ARHGEF16: variants seen among roughly 807,000 people sequenced by gnomAD.
ARHGEF16 encodes the protein Rho guanine nucleotide exchange factor 16.
ARHGEF16 carries 59 observed loss-of-function variants against 74.1 expected under a neutral mutation model. The observed-to-expected ratio is 0.80, with a 90% confidence interval of 0.65 to 0.99. ARHGEF16 has a LOEUF of 0.99. ARHGEF16 is among the 50% of genes least tolerant of loss of function. The pLI is 0.00. For synonymous variants in ARHGEF16, 415 were observed against 412.6 expected (o/e 1.01, Z -0.07); for missense variants, 948 against 986.6 (o/e 0.96, Z 0.52).
intron 6 of ARHGEF16, among the ~76,000 whole-genome samples, chr1:3,470,602 T>C (rs1023320328): frequency 2.8e-5 from 4 of 142,126 alleles, no homozygotes; most frequent in African/African-American, 1.1e-4. Context: ...TTCGGTCAGG[T>C]GTGTGTGAGT....
In ARHGEF16 at chr1:3,463,681, C is replaced by T. The variant is rs1439780703; in HGVS notation, c.588+9C>T. On this transcript the variant is annotated intron_variant, in intron 2 of 14. Transcript: ENST00000378378. ...GCCCGGCCAAAAACAAGGTAGGGGC[C>T]TGCTCGTGTGGACCGTGGGGAGGGG... 1.4e-6 allele frequency: 2 copies of T among 1,407,968 alleles called. No homozygotes were observed. Among genetic ancestry groups the T allele is most frequent in the African/African-American group, 1.4e-5 (1 of 69,440 alleles). 87.2% of individuals were successfully genotyped at this position (1,407,968 alleles called of 1,614,324 possible).
intron 1 of ARHGEF16, among the ~76,000 whole-genome samples, chr1:3,462,022 C>T (rs1289599802): frequency 6.6e-6 from 1 of 150,858 alleles, no homozygotes; most frequent in Non-Finnish European, 1.5e-5. Flanking sequence ...GTGCCAGCCC[C>T]GGACCATGAA....
chr1:3,478,358 G>A (rs1639952821), intron 11 of ARHGEF16, 66 bp from the exon 12 acceptor site: 10 of 1,501,518 alleles, frequency 6.7e-6, no homozygotes, highest in Middle Eastern at 1.8e-4. Flanking sequence ...GGACCTGGAC[G>A]GGAGCCCAGC....
Position 3,478,042 on chromosome 1 carries a change from G to A in ARHGEF16, c.1625+16G>A, listed in dbSNP as rs151102190. ...AGAAGAAGAGGTGGCCTTAGGGCAG[G>A]AGGGTGTGGGGAGCCCCACTCCATG... On this transcript the variant is annotated intron_variant, in intron 11 of 14. Transcript: ENST00000378378. The A allele has an allele frequency of 1.0e-4, 165 of 1,612,640 alleles. No homozygotes were observed. The African/African-American group carries it at 1.2e-3, about 12-fold the overall frequency.
At chr1:3,476,884 C>T (rs933833940) in intron 10 of ARHGEF16, among the ~76,000 whole-genome samples, 1 of 152,086 alleles carries the variant, frequency 6.6e-6, no homozygotes, top group Non-Finnish European at 1.5e-5. Flanking sequence ...AGGGCGGTGA[C>T]TTCGCGCCGC....
chr1:3,477,497 C>T (rs1357873933), intron 10 of ARHGEF16, among the ~76,000 whole-genome samples: 2 of 149,848 alleles, frequency 1.3e-5, no homozygotes, highest in East Asian at 4.1e-4. Flanking sequence ...AACCCTCCCT[C>T]GGGGCTGAGC....
At chr1:3,466,241 TG>T (rs1463726149) in intron 3 of ARHGEF16, 48 bp downstream of exon 3, 1 of 1,517,408 alleles carries the variant, frequency 6.6e-7, no homozygotes, top group African/African-American at 1.4e-5. Flanking sequence ...CAGTTGAAAC[TG>T]GTCTCACTGG....
Position 3,473,486 on chromosome 1 carries a change from C to T in ARHGEF16, c.1269C>T (p.Pro423=). Residue 423 remains proline, a synonymous_variant, in exon 8 of 15, where the codon CCC becomes CCT. Transcript: ENST00000378378. ...GLPMLSFLIL[P]MQRVTRLPLL... is the part of the protein sequence containing the mutation. ...CCATGCTCTCCTTCCTGATCCTCCC[C>T]ATGCAGCGGGTGACCCGGCTGCCCC... The T allele has an allele frequency of 3.1e-6, 5 of 1,611,912 alleles. No homozygotes were observed. Among genetic ancestry groups the T allele is most frequent in the Non-Finnish European group, 3.4e-6 (4 of 1,179,998 alleles).
At chr1:3,476,243 C>T (rs553015615) in intron 10 of ARHGEF16, among the ~76,000 whole-genome samples, 181 bp downstream of exon 10, 18 of 152,170 alleles carry the variant, frequency 1.2e-4, no homozygotes, top group Admixed American at 3.3e-4. Flanking sequence ...CTCAGTCTCC[C>T]GATCTGGGAG....
chr1:3,458,911 CA>C (rs986583865), intron 1 of ARHGEF16, among the ~76,000 whole-genome samples: 1 of 152,124 alleles, frequency 6.6e-6, no homozygotes, highest in African/African-American at 2.4e-5. Context: ...ATGATAAGAC[CA>C]GGGGCCAATA....
At chr1:3,472,111 C>T (rs1639742402) in intron 6 of ARHGEF16, among the ~76,000 whole-genome samples, 1 of 152,212 alleles carries the variant, frequency 6.6e-6, no homozygotes, top group African/African-American at 2.4e-5. Context: ...TAAGGGAGTC[C>T]TCCGAAGGAC....
intron 6 of ARHGEF16, among the ~76,000 whole-genome samples, chr1:3,470,324 A>T (rs1383629275): frequency 7.1e-6 from 1 of 141,502 alleles, no homozygotes; most frequent in Non-Finnish European, 1.5e-5. Context: ...GTGTGTCTGC[A>T]CGGGTGTGTG....
intron 14 of ARHGEF16, among the ~76,000 whole-genome samples, chr1:3,480,192 C>A (rs1198174173): frequency 6.6e-6 from 1 of 152,204 alleles, no homozygotes; most frequent in Non-Finnish European, 1.5e-5. Flanking sequence ...AGAGGGCAGG[C>A]AGGGCTCCTC....
chr1:3,477,122 G>T (rs1035069959), intron 10 of ARHGEF16, among the ~76,000 whole-genome samples: 7 of 151,850 alleles, frequency 4.6e-5, no homozygotes, highest in African/African-American at 1.7e-4. Context: ...GGCCGGGAGC[G>T]GGAGGTGCCG....
At chr1:3,479,770 C>T (rs1196041392) in intron 13 of ARHGEF16, 42 bp from the exon 14 acceptor site, 2 of 1,598,710 alleles carry the variant, frequency 1.3e-6, no homozygotes. Flanking sequence ...GAGCCTGGCC[C>T]ATGCCTCCCG....
At chr1:3,476,991 C>T (rs1226144259) in intron 10 of ARHGEF16, among the ~76,000 whole-genome samples, 1 of 152,068 alleles carries the variant, frequency 6.6e-6, no homozygotes, top group African/African-American at 2.4e-5. Context: ...CAAGGACCCC[C>T]TCCCAGGCCT....
intron 6 of ARHGEF16, among the ~76,000 whole-genome samples, chr1:3,472,182 G>A (rs969680772): frequency 1.3e-5 from 2 of 152,222 alleles, no homozygotes; most frequent in Admixed American, 6.5e-5. Flanking sequence ...ATGTGGTCTC[G>A]GGTTGGGTGC....
intron 11 of ARHGEF16, 86 bp downstream of exon 11, chr1:3,478,112 G>T: frequency 6.4e-7 from 1 of 1,557,044 alleles, no homozygotes; most frequent in Non-Finnish European, 8.8e-7. Context: ...CAGGGAGTTG[G>T]CCCTGAGCCC....
chr1:3,471,066 G>GTGTGTGTGCATGGACAGT (rs1639706183), intron 6 of ARHGEF16, among the ~76,000 whole-genome samples: 1 of 148,678 alleles, frequency 6.7e-6, no homozygotes. Context: ...GCATGGACAG[G>GTGTGTGTGCATGGACAGT]TATGTGTGCA....
Sources: allele counts gnomAD v4.1 joint callset (sites outside exome capture counted in the v4.1 genomes callset), GRCh38; gene constraint gnomAD v4.1.1; transcripts MANE v1.5; gene names NCBI Gene and HGNC (gene_info 2026-07-23, HGNC 2026-07-21).